GPC6: variants seen among roughly 807,000 people sequenced by gnomAD.
GPC6 encodes the protein glypican 6, also known as glypican-6.
A neutral mutation model predicts 55.2 loss-of-function variants in GPC6; 14 were observed. The observed-to-expected ratio is 0.25, with a 90% CI of 0.17 to 0.40. The LOEUF is 0.40. Among genes scored for constraint, GPC6 ranks in the 10% least tolerant of loss-of-function variants. The pLI is 1.00. For missense variants in GPC6, 641 were observed against 708.5 expected, an observed-to-expected ratio of 0.90 and a Z score of 1.08; for synonymous variants, 278 against 259.6, an observed-to-expected ratio of 1.07 and a Z score of -0.68.
chr13:94,335,706 A>G (rs1465833469), intron 6 of GPC6, among the ~76,000 whole-genome samples: 3 of 152,206 alleles, frequency 2.0e-5, no homozygotes, highest in Non-Finnish European at 2.9e-5. Context: ...GTTGTTTTAT[A>G]TGTGTGTGGA....
At chr13:93,689,760 C>T (rs961926630) in intron 2 of GPC6, among the ~76,000 whole-genome samples, 2 of 152,110 alleles carry the variant, frequency 1.3e-5, no homozygotes, top group African/African-American at 4.8e-5. Context: ...TAATTTGCAG[C>T]AATGTTGCCT....
At chr13:93,912,155 G>A (rs1210211066) in intron 3 of GPC6, among the ~76,000 whole-genome samples, 1 of 152,080 alleles carries the variant, frequency 6.6e-6, no homozygotes, top group Non-Finnish European at 1.5e-5. Context: ...AAATATATGG[G>A]TATATGAAAA....
chr13:94,343,888 G>A (rs1878159402), intron 6 of GPC6, among the ~76,000 whole-genome samples: 1 of 151,986 alleles, frequency 6.6e-6, no homozygotes, highest in Non-Finnish European at 1.5e-5. Flanking sequence ...GTGTCATCAG[G>A]CCCAGCTAAT....
intron 5 of GPC6, among the ~76,000 whole-genome samples, chr13:94,304,490 C>T (rs1306614272): frequency 6.6e-6 from 1 of 152,148 alleles, no homozygotes; most frequent in Non-Finnish European, 1.5e-5. Context: ...TGCAAGTATA[C>T]TACATGCAAG....
At chr13:93,742,546 A>C (rs1884244318) in intron 2 of GPC6, among the ~76,000 whole-genome samples, 1 of 152,202 alleles carries the variant, frequency 6.6e-6, no homozygotes, top group African/African-American at 2.4e-5. Context: ...GCCAGATGAC[A>C]AGACAGACAA....
Position 93,227,665 on chromosome 13 carries a change from A to ACGTC in GPC6, c.160+51_160+54dup. 1 of 1,474,924 alleles carries ACGTC rather than the reference A, an allele frequency of 6.8e-7. No homozygotes were observed. The allele number at this position is 1,474,924 out of a possible 1,614,324, so 91.4% of individuals were successfully genotyped here. ...GCAGGCTGCAGCCCTCGGCTGCCGC[A>ACGTC]CGTCCCACTGGCCGCCCGGCGTCCC... On this transcript the variant is annotated intron_variant, in intron 1 of 8. Transcript: ENST00000377047. The surrounding 1 kb of genome is among the most constrained non-coding windows in gnomAD (Gnocchi z 4.3).
intron 4 of GPC6, among the ~76,000 whole-genome samples, chr13:94,179,937 A>C (rs1888927781): frequency 6.6e-6 from 1 of 152,178 alleles, no homozygotes; most frequent in East Asian, 1.9e-4. Context: ...TTCGTATTCA[A>C]AGAAAAAAAT....
chr13:94,339,571 A>C (rs746430439), intron 6 of GPC6, among the ~76,000 whole-genome samples: 2 of 152,132 alleles, frequency 1.3e-5, no homozygotes, highest in Non-Finnish European at 2.9e-5. Flanking sequence ...AACTCTGAGA[A>C]CAGGAATGCA....
In GPC6 at chr13:93,543,418, C is replaced by T. The variant is rs900521652; in HGVS notation, c.161-1845C>T. On this transcript the variant is annotated intron_variant, in intron 1 of 8. Coordinates refer to ENST00000377047, the MANE Select transcript of GPC6 (RefSeq NM_005708.5). ...AAGCTTTTTGATGTGCTGCTGGATT[C>T]GGTTTGCCAGTATTTTATTGAGGAT... is the stretch of plus-strand genomic sequence containing the variant. Among the ~76,000 whole-genome samples the T allele has an allele frequency of 1.3e-4, 19 of 151,938 alleles. No homozygotes were observed. The East Asian group carries it at 2.3e-3, about 19-fold the overall frequency.
chr13:93,696,096 G>A (rs531761797), intron 2 of GPC6, among the ~76,000 whole-genome samples: 7 of 152,148 alleles, frequency 4.6e-5, no homozygotes, highest in South Asian at 4.1e-4. Flanking sequence ...ATGGAAATAT[G>A]TGTTTTTAGG....
the GPC6 span, among the ~76,000 whole-genome samples, chr13:93,217,781 C>T: frequency 2.0e-5 from 3 of 152,112 alleles, no homozygotes; most frequent in Non-Finnish European, 2.9e-5. Flanking sequence ...ACGAACATGC[C>T]GGTACATGTT....
intron 1 of GPC6, among the ~76,000 whole-genome samples, chr13:93,497,155 ATT>A (rs200122153): frequency 1.3e-5 from 2 of 152,130 alleles, no homozygotes; most frequent in Non-Finnish European, 1.5e-5. Flanking sequence ...AAAAATCTAG[ATT>A]TTTTTCCTCA....
At chr13:93,958,177 T>C (rs1236508127) in intron 3 of GPC6, among the ~76,000 whole-genome samples, 1 of 152,246 alleles carries the variant, frequency 6.6e-6, no homozygotes, top group Non-Finnish European at 1.5e-5. Context: ...CTGTTTACTC[T>C]ATTGATAGTT....
At chr13:94,080,397 G>C (rs966823321) in intron 4 of GPC6, among the ~76,000 whole-genome samples, 2 of 152,104 alleles carry the variant, frequency 1.3e-5, no homozygotes, top group African/African-American at 4.8e-5. Context: ...AACACAGAGA[G>C]ATCTACTCCA....
At chr13:94,109,062 CT>C (rs142910078) in intron 4 of GPC6, among the ~76,000 whole-genome samples, 5,448 of 152,244 alleles carry the variant, frequency 0.036, 352 homozygotes, top group African/African-American at 0.12. Flanking sequence ...AGTGTTTCTC[CT>C]CTAAACATCA....
intron 2 of GPC6, among the ~76,000 whole-genome samples, chr13:93,567,291 A>G (rs958551047): frequency 6.6e-6 from 1 of 152,194 alleles, no homozygotes; most frequent in Admixed American, 6.5e-5. Flanking sequence ...TTTGAGTCAA[A>G]GGAGTTCTTA....
intron 4 of GPC6, among the ~76,000 whole-genome samples, chr13:94,104,872 A>G (rs544096806): frequency 6.6e-6 from 1 of 152,244 alleles, no homozygotes; most frequent in South Asian, 2.1e-4. Context: ...AATCAATATC[A>G]TGAAAATGGC....
intron 2 of GPC6, among the ~76,000 whole-genome samples, chr13:93,683,238 G>C (rs985396250): frequency 6.6e-6 from 1 of 151,604 alleles, no homozygotes; most frequent in Non-Finnish European, 1.5e-5. Flanking sequence ...ATCATTTGCT[G>C]TTAAGTAACT....
intron 4 of GPC6, among the ~76,000 whole-genome samples, chr13:94,228,569 T>C (rs957308412): frequency 6.6e-6 from 1 of 151,558 alleles, no homozygotes; most frequent in Non-Finnish European, 1.5e-5. Flanking sequence ...GCAGAAGGAG[T>C]GTGATATAGC....
Sources: gnomAD v4.1 joint callset for allele counts (sites outside exome capture counted in the v4.1 genomes callset) on GRCh38, gnomAD v4.1.1 for gene constraint, Gnocchi (gnomAD v3.1) non-coding constraint, MANE v1.5 for transcripts, NCBI Gene and HGNC (gene_info 2026-07-23, HGNC 2026-07-21) for gene names.